Variants in SCAPER observed in about 807,000 individuals in gnomAD.
SCAPER encodes S phase cyclin A-associated protein in the endoplasmic reticulum.
In SCAPER, 98 loss-of-function variants were observed where a neutral mutation model predicts 182.2. The observed-to-expected ratio is 0.54, with a 90% CI of 0.46 to 0.64. The LOEUF (loss-of-function observed/expected upper bound fraction) is 0.64. Among genes scored for constraint, SCAPER ranks in the 30% least tolerant of loss-of-function variants. The pLI is 0.00. For missense variants in SCAPER, 1,432 were observed against 1,690.0 expected (o/e 0.85, Z 2.68); for synonymous variants, 605 against 564.6 (o/e 1.07, Z -1.01).
intron 23 of SCAPER, among the ~76,000 whole-genome samples, chr15:76,524,051 C>T (rs1186820744): frequency 2.6e-5 from 4 of 152,098 alleles, no homozygotes; most frequent in African/African-American, 9.7e-5. Flanking sequence ...CACAAATCTT[C>T]CTTATCTTGA....
rs181072227 is a variant in SCAPER at position 76,784,424 on chromosome 15, C to T, written c.773-9307G>A. 4.3e-3 allele frequency among the ~76,000 whole-genome samples: 649 copies of T among 152,226 alleles called. 4 individuals are homozygous for T. Among genetic ancestry groups the T allele is most frequent in the African/African-American group, 0.014 (601 of 41,542 alleles). Reference sequence around the variant, plus strand: ...TGGAAGAATATTCCATGCTCATGGACAGGAAGAATCAATATTGTGAAAATG... The same window carrying T: ...TGGAAGAATATTCCATGCTCATGGATAGGAAGAATCAATATTGTGAAAATG... On this transcript the variant is annotated intron_variant, in intron 8 of 31. Transcript: ENST00000563290.
At chr15:76,785,006 T>C (rs548941837) in intron 8 of SCAPER, among the ~76,000 whole-genome samples, 129 of 151,960 alleles carry the variant, frequency 8.5e-4, no homozygotes, top group Non-Finnish European at 1.6e-3. Context: ...AAAGCAATGG[T>C]AACAAAAGCC....
chr15:76,861,047 T>C (rs1196068093), intron 3 of SCAPER, among the ~76,000 whole-genome samples: 1 of 152,010 alleles, frequency 6.6e-6, no homozygotes, highest in Non-Finnish European at 1.5e-5. Flanking sequence ...AATACATACA[T>C]ACATAAAAAT....
chr15:76,477,928 C>T (rs2050787637), intron 24 of SCAPER, among the ~76,000 whole-genome samples: 1 of 151,286 alleles, frequency 6.6e-6, no homozygotes, highest in Non-Finnish European at 1.5e-5. Context: ...CAGTTTATTG[C>T]TATCTTAATT....
At position 76,353,982 on chromosome 15, in the gene SCAPER, C is replaced by T; in HGVS notation, c.4014G>A (p.Glu1338=). 1 of 1,594,848 alleles carries T rather than the reference C, an allele frequency of 6.3e-7. No individual in the cohort carries two copies. Among genetic ancestry groups the T allele is most frequent in the Non-Finnish European group, 8.5e-7 (1 of 1,173,942 alleles). ...AAGTGGCCAGTAAAACACAGCTCAT[C>T]TCTTGCTCCAGAATGATCTTGTTCT... ...NHQNKIILEQ[E]MSCVLLATFI... Residue 1338 remains glutamate, a synonymous_variant, in exon 30 of 32, where the codon GAG becomes GAA. Coordinates refer to ENST00000563290, the MANE Select transcript of SCAPER (RefSeq NM_020843.4).
Position 76,376,154 on chromosome 15 carries a change from C to A in SCAPER, c.3855+8G>T. On this transcript the variant is annotated splice_region_variant and intron_variant, in intron 29 of 31. Coordinates refer to ENST00000563290, the MANE Select transcript of SCAPER (RefSeq NM_020843.4). ...GAGCAGTCTAAGGAACTTTCCAGGGCCTCTTACCTGGTTATCTGGGTGGTT... is the reference window on the plus strand; with the variant it reads ...GAGCAGTCTAAGGAACTTTCCAGGGACTCTTACCTGGTTATCTGGGTGGTT... The A allele has an allele frequency of 6.2e-7, 1 of 1,613,708 alleles. No individual in the cohort carries two copies. The highest frequency in any genetic ancestry group is 8.5e-7 in the Non-Finnish European group (1 of 1,179,714).
At chr15:76,433,002 C>G (rs2046966672) in intron 26 of SCAPER, among the ~76,000 whole-genome samples, 1 of 152,110 alleles carries the variant, frequency 6.6e-6, no homozygotes, top group Admixed American at 6.5e-5. Flanking sequence ...TAGGTATAAC[C>G]CTATAAGGTT....
chr15:76,901,857 C>T (rs1234490616), intron 1 of SCAPER, among the ~76,000 whole-genome samples: 3 of 152,098 alleles, frequency 2.0e-5, no homozygotes, highest in Non-Finnish European at 4.4e-5. Context: ...GTAGCTGGGA[C>T]TACAAGCATG....
At chr15:76,733,806 A>G (rs2061072058) in intron 15 of SCAPER, among the ~76,000 whole-genome samples, 1 of 152,054 alleles carries the variant, frequency 6.6e-6, no homozygotes, top group Non-Finnish European at 1.5e-5. Context: ...ATATAATAAC[A>G]TGAACCAGTG....
At chr15:76,781,927 C>A (rs1191714668) in intron 8 of SCAPER, among the ~76,000 whole-genome samples, 1 of 152,126 alleles carries the variant, frequency 6.6e-6, no homozygotes, top group Non-Finnish European at 1.5e-5. Context: ...CCAGCCACTG[C>A]AAAAACATAC....
At chr15:76,805,568 T>C (rs2151538612) in intron 5 of SCAPER, among the ~76,000 whole-genome samples, 1 of 148,710 alleles carries the variant, frequency 6.7e-6, no homozygotes, top group East Asian at 2.0e-4. Flanking sequence ...TTTTTTTTTT[T>C]TTTTTTTTGG....
At chr15:76,557,243 T>TA (rs113245223) in intron 23 of SCAPER, among the ~76,000 whole-genome samples, 41 of 150,304 alleles carry the variant, frequency 2.7e-4, no homozygotes, top group Middle Eastern at 3.4e-3. Context: ...TTCTCAGAAT[T>TA]AAAAAAAAAA....
chr15:76,739,173 A>G (rs2061427626), intron 15 of SCAPER, among the ~76,000 whole-genome samples: 1 of 152,194 alleles, frequency 6.6e-6, no homozygotes, highest in South Asian at 2.1e-4. Context: ...GATTTGAGCA[A>G]CCATCAATTT....
intron 23 of SCAPER, among the ~76,000 whole-genome samples, chr15:76,527,944 T>C (rs537064293): frequency 5.9e-5 from 9 of 152,330 alleles, no homozygotes; most frequent in South Asian, 4.1e-4. Context: ...GTCTTTCCCA[T>C]TGGCTTACAT....
chr15:76,862,176 G>C (rs186581299), intron 3 of SCAPER, among the ~76,000 whole-genome samples: 1 of 152,238 alleles, frequency 6.6e-6, no homozygotes, highest in East Asian at 1.9e-4. Flanking sequence ...CCCCTAATCT[G>C]CTGGTCATAA....
chr15:76,484,217 C>T (rs146990807), intron 24 of SCAPER, among the ~76,000 whole-genome samples: 2 of 152,126 alleles, frequency 1.3e-5, no homozygotes, highest in African/African-American at 4.8e-5. Flanking sequence ...ATGCATATTG[C>T]TAAGTGAATG....
intron 17 of SCAPER, among the ~76,000 whole-genome samples, chr15:76,721,338 A>G (rs1173215317): frequency 6.6e-6 from 1 of 151,878 alleles, no homozygotes; most frequent in African/African-American, 2.4e-5. Flanking sequence ...GCCTTGTAGT[A>G]TAGTTTGAAG....
At chr15:76,765,720 C>A (rs2063071274) in intron 11 of SCAPER, 82 bp from the exon 12 acceptor site, 2 of 1,122,924 alleles carry the variant, frequency 1.8e-6, no homozygotes, top group Non-Finnish European at 2.6e-6. Context: ...ATGAAAATGT[C>A]CTACCTATTG....
At chr15:76,416,512 T>C in intron 26 of SCAPER, among the ~76,000 whole-genome samples, 1 of 151,830 alleles carries the variant, frequency 6.6e-6, no homozygotes, top group South Asian at 2.1e-4. Context: ...AAGTTAAATA[T>C]TTTCATCTCT....
Sources: allele counts gnomAD v4.1 joint callset (sites outside exome capture counted in the v4.1 genomes callset), GRCh38; gene constraint gnomAD v4.1.1; transcripts MANE v1.5; gene names NCBI Gene and HGNC (gene_info 2026-07-23, HGNC 2026-07-21).